The following UNC5D variants were observed in gnomAD, a reference collection of about 807,000 sequenced individuals.
UNC5D encodes unc-5 netrin receptor D.
A neutral mutation model predicts 105.4 loss-of-function variants in UNC5D; 39 were observed. The observed-to-expected ratio is 0.37, with a 90% CI of 0.29 to 0.48. The LOEUF (loss-of-function observed/expected upper bound fraction) is 0.48, where lower values mean the gene tolerates loss of function less well. UNC5D is among the 20% of genes least tolerant of loss of function. The pLI is 0.98. For synonymous variants in UNC5D, 452 were observed against 450.4 expected (o/e 1.00, Z -0.04); for missense variants, 991 against 1,202.4 (o/e 0.82, Z 2.60).
At chr8:35,276,924 T>G (rs1251664857) in intron 1 of UNC5D, among the ~76,000 whole-genome samples, 1 of 152,190 alleles carries the variant, frequency 6.6e-6, no homozygotes, top group Non-Finnish European at 1.5e-5. Context: ...TTTATCACCC[T>G]AGCACCTGGA....
intron 1 of UNC5D, among the ~76,000 whole-genome samples, chr8:35,286,321 A>G (rs1267016554): frequency 2.6e-5 from 4 of 152,176 alleles, no homozygotes; most frequent in African/African-American, 9.7e-5. Context: ...ATATTCAAGA[A>G]CTTGGGAGTG....
chr8:35,365,407 A>G (rs1802055789), intron 1 of UNC5D, among the ~76,000 whole-genome samples: 1 of 152,070 alleles, frequency 6.6e-6, no homozygotes, highest in Non-Finnish European at 1.5e-5. Context: ...GAACTAATAT[A>G]GCAATAATTC....
intron 11 of UNC5D, among the ~76,000 whole-genome samples, chr8:35,737,250 C>CTGTG (rs1491142545): frequency 1.6e-5 from 2 of 122,442 alleles, no homozygotes; most frequent in Non-Finnish European, 3.4e-5. Flanking sequence ...GCAAGATCTG[C>CTGTG]TCTGTGTGTG....
intron 1 of UNC5D, among the ~76,000 whole-genome samples, chr8:35,538,210 G>C (rs1249183811): frequency 2.0e-5 from 3 of 151,246 alleles, no homozygotes; most frequent in African/African-American, 7.3e-5. Flanking sequence ...GGGGACATTC[G>C]TATCATGGGG....
At chr8:35,371,583 T>C (rs970840319) in intron 1 of UNC5D, among the ~76,000 whole-genome samples, 5 of 152,166 alleles carry the variant, frequency 3.3e-5, no homozygotes, top group African/African-American at 1.2e-4. Flanking sequence ...GGACCTATTT[T>C]TTTCCTGATT....
chr8:35,379,219 G>T (rs976735992), intron 1 of UNC5D, among the ~76,000 whole-genome samples: 1 of 152,110 alleles, frequency 6.6e-6, no homozygotes, highest in African/African-American at 2.4e-5. Context: ...GTAACTTATA[G>T]TCACACAGCT....
intron 1 of UNC5D, 44 bp from the exon 2 acceptor site, chr8:35,549,248 C>G: frequency 1.9e-6 from 3 of 1,589,156 alleles, no homozygotes; most frequent in Non-Finnish European, 1.7e-6. Context: ...GGTGTATGTG[C>G]TATCAATGTA....
intron 11 of UNC5D, among the ~76,000 whole-genome samples, chr8:35,733,439 A>G (rs781545169): frequency 2.0e-5 from 3 of 152,172 alleles, no homozygotes; most frequent in African/African-American, 4.8e-5. Flanking sequence ...TACGTCTGCC[A>G]TCCTGAACTT....
intron 6 of UNC5D, among the ~76,000 whole-genome samples, chr8:35,685,703 T>C (rs1387243462): frequency 6.6e-6 from 1 of 152,206 alleles, no homozygotes; most frequent in Non-Finnish European, 1.5e-5. Context: ...TTATCCCCAG[T>C]TGGCAGACAT....
intron 1 of UNC5D, among the ~76,000 whole-genome samples, chr8:35,335,835 C>T (rs868199353): frequency 9.3e-4 from 130 of 139,890 alleles, no homozygotes; most frequent in African/African-American, 3.3e-3. Context: ...ACGATCTCGA[C>T]TCACTGCAAG....
At chr8:35,303,353 A>G (rs1301096422) in intron 1 of UNC5D, among the ~76,000 whole-genome samples, 1 of 152,188 alleles carries the variant, frequency 6.6e-6, no homozygotes, top group East Asian at 1.9e-4. Flanking sequence ...TTGAAACAGA[A>G]TAAAATGTAT....
rs550422365 is a variant in UNC5D, at chr8:35,251,688, A to C, written c.103+15801A>C. Among the ~76,000 whole-genome samples, 422 of 152,350 alleles carry C rather than the reference A, an allele frequency of 2.8e-3. 3 individuals carry two copies. Among genetic ancestry groups the C allele is most frequent in the African/African-American group, 9.6e-3 (399 of 41,582 alleles). On this transcript the variant is annotated intron_variant, in intron 1 of 16. Coordinates refer to ENST00000404895, the MANE Select transcript of UNC5D (RefSeq NM_080872.4). ...TGCCATGTTTCTCTTGTGGACAAGAACATAGGGGCCCATAAATGGAGATTC... is the reference window on the plus strand; with the variant it reads ...TGCCATGTTTCTCTTGTGGACAAGACCATAGGGGCCCATAAATGGAGATTC...
intron 1 of UNC5D, among the ~76,000 whole-genome samples, chr8:35,478,480 C>T (rs1040879525): frequency 6.6e-6 from 1 of 152,138 alleles, no homozygotes; most frequent in African/African-American, 2.4e-5. Context: ...GCAAATTTAG[C>T]TTTACATATC....
At chr8:35,438,706 C>A (rs1345442992) in intron 1 of UNC5D, among the ~76,000 whole-genome samples, 2 of 151,790 alleles carry the variant, frequency 1.3e-5, no homozygotes, top group Non-Finnish European at 2.9e-5. Context: ...AAGTTTGCAG[C>A]AGGAAGCAAG....
chr8:35,402,967 T>C (rs1804567820), intron 1 of UNC5D, among the ~76,000 whole-genome samples: 1 of 152,166 alleles, frequency 6.6e-6, no homozygotes, highest in African/African-American at 2.4e-5. Context: ...TTTTGCCTCA[T>C]AGACCTGTTC....
At chr8:35,789,558 C>T (rs1802932556) in intron 16 of UNC5D, among the ~76,000 whole-genome samples, 2 of 151,906 alleles carry the variant, frequency 1.3e-5, no homozygotes, top group Non-Finnish European at 2.9e-5. Flanking sequence ...TTTGGAGGCA[C>T]GGAGACACCA....
At chr8:35,763,498 T>C (rs1444977465) in intron 14 of UNC5D, among the ~76,000 whole-genome samples, 1 of 150,758 alleles carries the variant, frequency 6.6e-6, no homozygotes, top group Non-Finnish European at 1.5e-5. Flanking sequence ...TCAAATCAAA[T>C]TGCAGAAAAT....
intron 3 of UNC5D, among the ~76,000 whole-genome samples, chr8:35,584,879 A>G (rs998955098): frequency 1.3e-5 from 2 of 152,096 alleles, no homozygotes; most frequent in Non-Finnish European, 2.9e-5. Flanking sequence ...CATCGTTAAG[A>G]TTTTTATCTT....
rs34361312 is a variant in UNC5D, at chr8:35,720,839, G to GT, written c.1118-1358dup. Among the ~76,000 whole-genome samples the GT allele has an allele frequency of 5.5e-3, 789 of 143,554 alleles. 7 individuals carry two copies. The highest frequency in any genetic ancestry group is 0.015 in the South Asian group (66 of 4,516). 94.2% of individuals were successfully genotyped at this position (143,554 alleles called of 152,430 possible). Reference sequence around the variant, plus strand: ...ATAAACCTCTGACCTTTCAGATGCTGTTTTTTTTTTTTTGATGGTTGTGTT... The same window carrying GT: ...ATAAACCTCTGACCTTTCAGATGCTGTTTTTTTTTTTTTTGATGGTTGTGTT... On this transcript the variant is annotated intron_variant, in intron 8 of 16. Transcript: ENST00000404895.
Sources: allele counts gnomAD v4.1 joint callset (sites outside exome capture counted in the v4.1 genomes callset), GRCh38; gene constraint gnomAD v4.1.1; transcripts MANE v1.5; gene names NCBI Gene and HGNC (gene_info 2026-07-23, HGNC 2026-07-21).